The following GNG7 variants were observed in gnomAD, a reference collection of about 807,000 sequenced individuals.
GNG7 encodes the protein G protein subunit gamma 7, also known as guanine nucleotide-binding protein G(I)/G(S)/G(O) subunit gamma-7.
Under a neutral mutation model 4.0 loss-of-function variants are expected in GNG7, and 1 was observed. The observed-to-expected ratio is 0.25, with a 90% CI of 0.09 to 1.18. GNG7 has a LOEUF of 1.18. Among genes scored for constraint, GNG7 ranks in the 50% most tolerant of loss-of-function variants. GNG7 has a pLI of 0.50. For missense variants in GNG7, 86 were observed against 91.9 expected, an observed-to-expected ratio of 0.94 and a Z score of 0.26; for synonymous variants, 34 against 36.9, an observed-to-expected ratio of 0.92 and a Z score of 0.29.
At chr19:2,528,141 C>T (rs977484757) in intron 3 of GNG7, among the ~76,000 whole-genome samples, 8 of 151,722 alleles carry the variant, frequency 5.3e-5, no homozygotes, top group African/African-American at 1.9e-4. Flanking sequence ...CATGGTAGTG[C>T]GTGCCTGTAA....
intron 3 of GNG7, among the ~76,000 whole-genome samples, chr19:2,537,305 G>A (rs1347622251): frequency 1.3e-5 from 2 of 152,148 alleles, no homozygotes; most frequent in Middle Eastern, 3.4e-3. Flanking sequence ...GAGTGCAGTG[G>A]TGCAATCATA....
chr19:2,538,786 T>C (rs1346372515), intron 3 of GNG7: 5 of 402,654 alleles, frequency 1.2e-5, no homozygotes, highest in East Asian at 1.6e-4. Flanking sequence ...TCTTTTTTTT[T>C]GAGACGGAGT....
intron 2 of GNG7, chr19:2,610,996 G>A (rs1197890207): frequency 3.0e-5 from 1 of 33,410 alleles, no homozygotes; most frequent in African/African-American, 1.2e-4. Flanking sequence ...GGGCTCACGT[G>A]CCAGGCTCGG....
At chr19:2,625,535 C>G (rs1202164467) in intron 2 of GNG7, among the ~76,000 whole-genome samples, 8 of 151,986 alleles carry the variant, frequency 5.3e-5, no homozygotes, top group African/African-American at 1.9e-4. Context: ...CTCTCTTCTC[C>G]TCGGTCACGG....
rs1394579807 is a variant in GNG7 at position 2,634,901 on chromosome 19, C to T, written c.-78+11323G>A. Among the ~76,000 whole-genome samples the T allele has an allele frequency of 2.0e-5, 3 of 151,962 alleles. No homozygotes were observed. The highest frequency in any genetic ancestry group is 2.9e-5 in the Non-Finnish European group (2 of 67,998). On this transcript the variant is annotated intron_variant, in intron 2 of 4. Transcript: ENST00000382159. This position sits in a 1 kb window ranked among gnomAD's most constrained non-coding sequence, Gnocchi z 5.3. ...AGAAATGTTACCAAAAAAAAAAAAC[C>T]CTCGCCGGGAGAACAAGGAGCTACC...
Position 2,565,676 on chromosome 19 carries a change from G to A in GNG7, c.-77-10488C>T, listed in dbSNP as rs144889446. 4.7e-3 allele frequency among the ~76,000 whole-genome samples: 717 copies of A among 152,246 alleles called. 4 individuals carry two copies. Among genetic ancestry groups the A allele is most frequent in the Non-Finnish European group, 7.2e-3 (490 of 68,018 alleles). On this transcript the variant is annotated intron_variant, in intron 2 of 4. Coordinates refer to ENST00000382159, the MANE Select transcript of GNG7 (RefSeq NM_052847.3). ...TCACTGGGAGAGGCCCATCCCACCCGGAAGAACCTGATTGAGTGGTCTGGG... is the reference window on the plus strand; with the variant it reads ...TCACTGGGAGAGGCCCATCCCACCCAGAAGAACCTGATTGAGTGGTCTGGG...
intron 3 of GNG7, among the ~76,000 whole-genome samples, chr19:2,547,540 C>T (rs1568238754): frequency 6.6e-6 from 1 of 152,142 alleles, no homozygotes; most frequent in Non-Finnish European, 1.5e-5. Flanking sequence ...CACGGTGGTG[C>T]TCTCATGACT....
Position 2,626,226 on chromosome 19 carries a change from T to C in GNG7, c.-78+19998A>G, listed in dbSNP as rs888903351. Reference sequence around the variant, plus strand: ...TCCAGCGGGAACGTGAAGCTGATGCTGCTCCCGCCCCAGGCCTGAAGCCGG... The same window carrying C: ...TCCAGCGGGAACGTGAAGCTGATGCCGCTCCCGCCCCAGGCCTGAAGCCGG... On this transcript the variant is annotated intron_variant, in intron 2 of 4. Transcript: ENST00000382159. The surrounding 1 kb of genome is among the most constrained non-coding windows in gnomAD (Gnocchi z 5.0). Among the ~76,000 whole-genome samples, 1 of 152,178 alleles carries C rather than the reference T, an allele frequency of 6.6e-6. No homozygotes were observed. The highest frequency in any genetic ancestry group is 2.4e-5 in the African/African-American group (1 of 41,442).
At chr19:2,572,467 C>T (rs1980176839) in intron 2 of GNG7, among the ~76,000 whole-genome samples, 1 of 151,154 alleles carries the variant, frequency 6.6e-6, no homozygotes, top group Non-Finnish European at 1.5e-5. Context: ...GAGTCTCGCT[C>T]TGTCGCCAGG....
At position 2,626,933 on chromosome 19, in the gene GNG7, G is replaced by A. The variant is rs1455359485; in HGVS notation, c.-78+19291C>T. On this transcript the variant is annotated intron_variant, in intron 2 of 4. Coordinates refer to ENST00000382159, the MANE Select transcript of GNG7 (RefSeq NM_052847.3). This position sits in a 1 kb window ranked among gnomAD's most constrained non-coding sequence, Gnocchi z 5.0. ...CCACAGTGCCCAGGGGGAGAGACCTGCTTTAATTATTTGGGAATAAACTGA... is the reference window on the plus strand; with the variant it reads ...CCACAGTGCCCAGGGGGAGAGACCTACTTTAATTATTTGGGAATAAACTGA... Among the ~76,000 whole-genome samples the A allele has an allele frequency of 6.6e-6, 1 of 151,682 alleles. No homozygotes were observed. Among genetic ancestry groups the A allele is most frequent in the Non-Finnish European group, 1.5e-5 (1 of 67,928 alleles).
rs1450313231 is a variant in GNG7, at chr19:2,633,477, GCGCGCGCGCGCACA to G, written c.-78+12733_-78+12746del. Among the ~76,000 whole-genome samples the G allele has an allele frequency of 1.6e-5, 1 of 63,284 alleles. No individual in the cohort carries two copies. The highest frequency in any genetic ancestry group is 8.3e-5 in the African/African-American group (1 of 12,040). The allele number at this position is 63,284 out of a possible 152,430, so 41.5% of individuals were successfully genotyped here. A position where few individuals can be genotyped will look rare whatever the true frequency, so the allele number is the denominator to read the frequency against. On this transcript the variant is annotated intron_variant, in intron 2 of 4. Transcript: ENST00000382159. This position sits in a 1 kb window ranked among gnomAD's most constrained non-coding sequence, Gnocchi z 5.9. ...AGCGGTTGCTTAGCAACAGGCGCGC[GCGCGCGCGCGCACA>G]CACACACACACACACACACACACAC...
intron 3 of GNG7, among the ~76,000 whole-genome samples, chr19:2,535,325 CAAAA>C (rs10606231): frequency 1.6e-5 from 2 of 126,100 alleles, no homozygotes; most frequent in Non-Finnish European, 1.6e-5. Flanking sequence ...CTTGACTCTA[CAAAA>C]AAAAAAAAAA....
At chr19:2,648,329 G>A (rs969166524) in intron 1 of GNG7, among the ~76,000 whole-genome samples, 1 of 151,786 alleles carries the variant, frequency 6.6e-6, no homozygotes, top group Non-Finnish European at 1.5e-5. Flanking sequence ...CCAGGAGGTC[G>A]AGGCTGCAGT....
At chr19:2,659,523 G>A (rs147846132) in intron 1 of GNG7, among the ~76,000 whole-genome samples, 24,218 of 146,282 alleles carry the variant, frequency 0.17, 2,220 homozygotes, top group South Asian at 0.24. Context: ...CTGGGAGGCG[G>A]AGGTTGCAGT....
chr19:2,522,475 G>T lies in GNG7; in HGVS notation c.-37-1750C>A, dbSNP rs547602872. 1.1e-3 allele frequency among the ~76,000 whole-genome samples: 165 copies of T among 151,188 alleles called. 1 individual carries two copies. The highest frequency in any genetic ancestry group is 4.0e-3 in the African/African-American group (163 of 41,216). ...AGTTCTCAAAAAATGCCTACTTAGT[G>T]ATAAGAAGGAAAGGACTGGCCGGGC... On this transcript the variant is annotated intron_variant, in intron 3 of 4. Transcript: ENST00000382159.
At chr19:2,664,081 G>A (rs1022376055) in intron 1 of GNG7, among the ~76,000 whole-genome samples, 5 of 152,202 alleles carry the variant, frequency 3.3e-5, no homozygotes, top group Non-Finnish European at 5.9e-5. Context: ...GACATTTGAT[G>A]ACAGGCCTAT....
At chr19:2,638,523 A>AT (rs1982391851) in intron 2 of GNG7, among the ~76,000 whole-genome samples, 1 of 12,734 alleles carries the variant, frequency 7.9e-5, no homozygotes, top group Non-Finnish European at 1.9e-4. Flanking sequence ...GGGGAGGGGA[A>AT]GGGAAGAGGG....
At chr19:2,663,757 T>C (rs1196301973) in intron 1 of GNG7, among the ~76,000 whole-genome samples, 2 of 152,212 alleles carry the variant, frequency 1.3e-5, no homozygotes, top group Non-Finnish European at 2.9e-5. Flanking sequence ...TATCAAGATA[T>C]GCATGCCAGC....
intron 1 of GNG7, among the ~76,000 whole-genome samples, chr19:2,667,636 C>T (rs1037944775): frequency 3.9e-5 from 6 of 152,002 alleles, no homozygotes; most frequent in African/African-American, 9.7e-5. Flanking sequence ...AAAAGTAGGC[C>T]GAGCGCAATG....
Sources: gnomAD v4.1 joint callset for allele counts (sites outside exome capture counted in the v4.1 genomes callset) on GRCh38, gnomAD v4.1.1 for gene constraint, Gnocchi (gnomAD v3.1) non-coding constraint, MANE v1.5 for transcripts, NCBI Gene and HGNC (gene_info 2026-07-23, HGNC 2026-07-21) for gene names.